C6orf58: variants seen among roughly 807,000 people sequenced by gnomAD.
C6orf58 encodes the protein protein LEG1 homolog.
A neutral mutation model predicts 37.0 loss-of-function variants in C6orf58; 30 were observed. That is an observed-to-expected ratio of 0.81 (90% CI 0.61 to 1.10). The LOEUF (loss-of-function observed/expected upper bound fraction) is 1.10, where lower values mean the gene tolerates loss of function less well. Among genes scored for constraint, C6orf58 ranks in the 50% least tolerant of loss-of-function variants. The probability of loss-of-function intolerance (pLI) is 0.00; values close to 1 mark genes in which losing one functional copy is unlikely to be tolerated. For synonymous variants in C6orf58, 143 were observed against 134.1 expected (o/e 1.07, Z -0.46); for missense variants, 368 against 387.5 (o/e 0.95, Z 0.42).
chr6:127,584,312 C>T (rs1239200426), intron 4 of C6orf58, among the ~76,000 whole-genome samples: 2 of 152,044 alleles, frequency 1.3e-5, no homozygotes, highest in African/African-American at 4.8e-5. Flanking sequence ...TTTAACAAAC[C>T]AAATATTAGT....
Position 127,580,356 on chromosome 6 carries a change from C to G in C6orf58, c.480C>G (p.Pro160=). The change falls in exon 3 of 6, where the codon CCC becomes CCG. Residue 160 remains proline, a synonymous_variant. Coordinates refer to ENST00000329722, the MANE Select transcript of C6orf58 (RefSeq NM_001010905.3). ...CATCAGACCAAGTCAGGCTTTTGCC[C>G]CCACCCAAGAATGAGAGGAAGTTTT... ...GISSDQVRLL[P]PPKNERKFCY... 6.2e-7 allele frequency: 1 copy of G among 1,612,844 alleles called. No individual in the cohort carries two copies. The highest frequency in any genetic ancestry group is 2.2e-5 in the East Asian group (1 of 44,818).
In C6orf58 at chr6:127,580,377, G is replaced by A. The variant is rs2114291073; in HGVS notation, c.501G>A (p.Lys167=). 1 of 1,613,192 alleles carries A rather than the reference G, an allele frequency of 6.2e-7. No individual in the cohort carries two copies. The change falls in exon 3 of 6, where the codon AAG becomes AAA. Residue 167 remains lysine (K), a synonymous_variant. Coordinates refer to ENST00000329722, the MANE Select transcript of C6orf58 (RefSeq NM_001010905.3). ...TGCCCCCACCCAAGAATGAGAGGAA[G>A]TTTTGTTATGATGTTTCTAGCTGTC... is the stretch of plus-strand genomic sequence containing the variant. ...RLLPPPKNER[K]FCYDVSSCRS...
At position 127,577,376 on chromosome 6, in the gene C6orf58, A is replaced by C. The variant is rs370761806; in HGVS notation, c.191A>C (p.Tyr64Ser). The stretch of plus-strand genomic sequence containing the variant: ...GTATACCTTGAGAGAATGGGGATGT[A>C]TAAAATCATATTGAATCAGACAGCC... ...PWVYLERMGM[Y>S]KIILNQTARY... The change falls in exon 1 of 6, where the codon TAT (tyrosine) becomes TCT (serine). Residue 64 changes from tyrosine to serine, a missense_variant. Transcript: ENST00000329722. The C allele has an allele frequency of 6.2e-7, 1 of 1,613,542 alleles. No homozygotes were observed. Among genetic ancestry groups the C allele is most frequent in the African/African-American group, 1.3e-5 (1 of 74,906 alleles).
chr6:127,581,210 A>G lies in C6orf58; in HGVS notation c.602A>G (p.Asp201Gly). The change falls in exon 4 of 6, where the codon GAT (aspartate) becomes GGT (glycine). Residue 201 changes from aspartate (D) to glycine (G), a missense_variant. Physicochemically the swap from Asp to Gly is moderately conservative, Grantham distance 94 (BLOSUM62 -1). Coordinates refer to ENST00000329722, the MANE Select transcript of C6orf58 (RefSeq NM_001010905.3). ...QYLQSPFSKF[D>G]DLLKYLWAAH... The stretch of plus-strand genomic sequence containing the variant: ...TTGCAGTCACCTTTTAGTAAGTTTG[A>G]TGATCTGTTGAAGTACTTATGGGCT... The G allele has an allele frequency of 6.6e-7, 1 of 1,518,910 alleles. No homozygotes were observed. Among genetic ancestry groups the G allele is most frequent in the Non-Finnish European group, 8.9e-7 (1 of 1,128,078 alleles). The allele number at this position is 1,518,910 out of a possible 1,614,324, so 94.1% of individuals were successfully genotyped here. A position where few individuals can be genotyped will look rare whatever the true frequency, so the allele number is the denominator to read the frequency against.
rs745859961 is a variant in C6orf58 at position 127,580,396 on chromosome 6, A to G, written c.520A>G (p.Ser174Gly). The G allele has an allele frequency of 1.9e-6, 3 of 1,613,058 alleles. No individual in the cohort carries two copies. The African/African-American group carries it at 4.0e-5, about 22-fold the overall frequency. The stretch of plus-strand genomic sequence containing the variant: ...GAGGAAGTTTTGTTATGATGTTTCT[A>G]GCTGTCGTTCATCCTTCCCTGAGAC... ...NERKFCYDVSSCRSSFPETMN... is the reference protein window; with the variant it reads ...NERKFCYDVSGCRSSFPETMN... Residue 174 changes from serine (S) to glycine (G), a missense_variant, in exon 3 of 6, where the codon AGC (serine) becomes GGC (glycine). Physicochemically the swap from Ser to Gly is moderately conservative, Grantham distance 56. Coordinates refer to ENST00000329722, the MANE Select transcript of C6orf58 (RefSeq NM_001010905.3).
intron 1 of C6orf58, among the ~76,000 whole-genome samples, chr6:127,577,993 A>G (rs995578929): frequency 6.6e-6 from 1 of 152,108 alleles, no homozygotes; most frequent in African/African-American, 2.4e-5. Context: ...CAGAAGTTAC[A>G]TTTTGGGATA....
At position 127,577,278 on chromosome 6, in the gene C6orf58, T is replaced by C; in HGVS notation, c.93T>C (p.Pro31=). 6.2e-7 allele frequency: 1 copy of C among 1,613,464 alleles called. No individual in the cohort carries two copies. The highest frequency in any genetic ancestry group is 1.7e-5 in the Admixed American group (1 of 59,916). The change falls in exon 1 of 6, where the codon CCT becomes CCC. Residue 31 remains proline, a synonymous_variant. Transcript: ENST00000329722. ...GTSNLSETEP[P]LWKESPGQLS... ...CCAATCTCTCAGAGACAGAGCCCCCTCTGTGGAAGGAGAGTCCTGGTCAGC... is the reference window on the plus strand; with the variant it reads ...CCAATCTCTCAGAGACAGAGCCCCCCCTGTGGAAGGAGAGTCCTGGTCAGC...
At chr6:127,584,069 G>C (rs1775079500) in intron 4 of C6orf58, among the ~76,000 whole-genome samples, 1 of 152,152 alleles carries the variant, frequency 6.6e-6, no homozygotes, top group South Asian at 2.1e-4. Flanking sequence ...CTGATAAAAT[G>C]AGTGCCTATA....
chr6:127,588,436 C>T (rs537633431), intron 4 of C6orf58, among the ~76,000 whole-genome samples: 1 of 152,198 alleles, frequency 6.6e-6, no homozygotes, highest in East Asian at 1.9e-4. Context: ...TGTGAAACAA[C>T]CCTAAAAGCT....
chr6:127,581,507 G>GATC (rs902752350), intron 4 of C6orf58, among the ~76,000 whole-genome samples: 19 of 134,968 alleles, frequency 1.4e-4, no homozygotes, highest in African/African-American at 5.9e-4. Context: ...AGCCTTGCAT[G>GATC]AAAAAACAAA....
In C6orf58 at chr6:127,588,963, C is replaced by G. The variant is rs199712824; in HGVS notation, c.675-1124C>G. 3.3e-5 allele frequency among the ~76,000 whole-genome samples: 5 copies of G among 152,284 alleles called. No individual in the cohort carries two copies. The East Asian group carries it at 5.8e-4, about 18-fold the overall frequency. On this transcript the variant is annotated intron_variant, in intron 4 of 5. Coordinates refer to ENST00000329722, the MANE Select transcript of C6orf58 (RefSeq NM_001010905.3). ...CAATCCAACTCTGCCCACCCTACCA[C>G]TTCCAAGTATAGGGCAGGGAGGATC...
intron 2 of C6orf58, among the ~76,000 whole-genome samples, chr6:127,579,194 C>T (rs1775022044): frequency 6.6e-6 from 1 of 152,062 alleles, no homozygotes; most frequent in Admixed American, 6.6e-5. Context: ...AGATTAATAC[C>T]TACTGCAATT....
At chr6:127,586,305 A>G (rs527476770) in intron 4 of C6orf58, among the ~76,000 whole-genome samples, 58 of 152,296 alleles carry the variant, frequency 3.8e-4, no homozygotes, top group Admixed American at 3.0e-3. Flanking sequence ...TCGAAGGGTG[A>G]GGGGAATGGA....
chr6:127,589,471 T>C (rs1384682132), intron 4 of C6orf58, among the ~76,000 whole-genome samples: 1 of 152,204 alleles, frequency 6.6e-6, no homozygotes, highest in Non-Finnish European at 1.5e-5. Flanking sequence ...ATTGTAATTA[T>C]TTGTCCCCAT....
intron 4 of C6orf58, among the ~76,000 whole-genome samples, chr6:127,588,596 T>C (rs1775129605): frequency 6.6e-6 from 1 of 152,184 alleles, no homozygotes; most frequent in African/African-American, 2.4e-5. Flanking sequence ...GTTTCAACTT[T>C]ATGTGAATCA....
Position 127,586,807 on chromosome 6 carries a change from T to G in C6orf58, c.675-3280T>G, listed in dbSNP as rs1215878459. On this transcript the variant is annotated intron_variant, in intron 4 of 5. Transcript: ENST00000329722. The stretch of plus-strand genomic sequence containing the variant: ...ATTCAGTATATCATTTACACTTATA[T>G]CCTGTTTCCAAGGTGGTGTTCCTAC... 6.6e-5 allele frequency among the ~76,000 whole-genome samples: 10 copies of G among 152,320 alleles called. No homozygotes were observed. In the East Asian group the frequency reaches 1.7e-3, roughly 26 times the overall value.
At chr6:127,587,013 G>C (rs1775114010) in intron 4 of C6orf58, among the ~76,000 whole-genome samples, 1 of 152,156 alleles carries the variant, frequency 6.6e-6, no homozygotes, top group African/African-American at 2.4e-5. Flanking sequence ...GTATTACTAA[G>C]ACTTAAATCG....
Position 127,588,971 on chromosome 6 carries a change from T to G in C6orf58, c.675-1116T>G, listed in dbSNP as rs1465803412. Among the ~76,000 whole-genome samples the G allele has an allele frequency of 1.3e-5, 2 of 152,106 alleles. 1 individual carries two copies. The highest frequency in any genetic ancestry group is 2.9e-5 in the Non-Finnish European group (2 of 68,024). On this transcript the variant is annotated intron_variant, in intron 4 of 5. Transcript: ENST00000329722. ...CTCTGCCCACCCTACCACTTCCAAG[T>G]ATAGGGCAGGGAGGATCCCACAAGC...
chr6:127,581,515 A>C (rs1353390483), intron 4 of C6orf58, among the ~76,000 whole-genome samples: 2 of 98,332 alleles, frequency 2.0e-5, no homozygotes, highest in African/African-American at 1.8e-4. Context: ...ATGAAAAAAC[A>C]AAAAAAAAAG....
Sources: allele counts gnomAD v4.1 joint callset (sites outside exome capture counted in the v4.1 genomes callset), GRCh38; gene constraint gnomAD v4.1.1; transcripts MANE v1.5; gene names NCBI Gene and HGNC (gene_info 2026-07-23, HGNC 2026-07-21).